The following CRHR1 variants were observed in gnomAD, a reference collection of about 807,000 sequenced individuals.
The protein encoded by CRHR1 is corticotropin-releasing hormone receptor 1.
Under a neutral mutation model 56.0 loss-of-function variants are expected in CRHR1, and 28 were observed. The ratio of observed to expected loss-of-function variants is 0.50; its 90% confidence interval spans 0.37 to 0.69. The LOEUF is 0.69. Among genes scored for constraint, CRHR1 ranks in the 30% least tolerant of loss-of-function variants. The pLI is 0.00. For synonymous variants in CRHR1, 195 were observed against 216.5 expected, an observed-to-expected ratio of 0.90 and a Z score of 0.87; for missense variants, 376 against 548.0, an observed-to-expected ratio of 0.69 and a Z score of 3.13.
intron 1 of CRHR1, among the ~76,000 whole-genome samples, chr17:45,797,903 CA>C (rs1293714773): frequency 6.6e-6 from 1 of 152,128 alleles, no homozygotes; most frequent in African/African-American, 2.4e-5. Context: ...ACTTCTCTAC[CA>C]TCACGGAGCA....
At chr17:45,833,693 T>TGGGGGGGGGGGGGGCGCG in intron 10 of CRHR1, 21 bp from the exon 11 acceptor site, 1 of 1,571,618 alleles carries the variant, frequency 6.4e-7, no homozygotes, top group Non-Finnish European at 8.7e-7. Context: ...ACTCCGAGCC[T>TGGGGGGGGGGGGGGCGCG]CCCCACCCGC....
chr17:45,800,118 G>A lies in CRHR1; in HGVS notation c.34-6892G>A, dbSNP rs540685774. Reference sequence around the variant, plus strand: ...GCCTCATCTTGCCATCGTCATGTATGTGTGTGTCTGTCTGTCCTTCCCCAT... The same window carrying A: ...GCCTCATCTTGCCATCGTCATGTATATGTGTGTCTGTCTGTCCTTCCCCAT... On this transcript the variant is annotated intron_variant, in intron 1 of 12. Transcript: ENST00000314537. Among the ~76,000 whole-genome samples the A allele has an allele frequency of 3.3e-5, 5 of 152,344 alleles. No homozygotes were observed. The East Asian group carries it at 7.7e-4, about 23-fold the overall frequency.
Position 45,784,663 on chromosome 17 carries a change from G to A in CRHR1, c.33+86G>A. 7.4e-7 allele frequency: 1 copy of A among 1,349,146 alleles called. No individual in the cohort carries two copies. The highest frequency in any genetic ancestry group is 9.8e-7 in the Non-Finnish European group (1 of 1,017,626). 83.6% of individuals were successfully genotyped at this position (1,349,146 alleles called of 1,614,324 possible). ...CGGGGCTGGGCTGTGGGTGTGATGG[G>A]GGCGGGGGCGCTGGGAGAGCCGTGC... On this transcript the variant is annotated intron_variant, in intron 1 of 12. Transcript: ENST00000314537. This position sits in a 1 kb window ranked among gnomAD's most constrained non-coding sequence, Gnocchi z 4.2.
At chr17:45,820,050 C>T (rs2062009386) in intron 3 of CRHR1, among the ~76,000 whole-genome samples, 1 of 152,172 alleles carries the variant, frequency 6.6e-6, no homozygotes, top group Non-Finnish European at 1.5e-5. Flanking sequence ...GTCCCAGGGC[C>T]CCAGCCTCTA....
chr17:45,792,200 AAGGCTGGTCCTTGGAGGG>A (rs1296190916), intron 1 of CRHR1, among the ~76,000 whole-genome samples: 1 of 152,180 alleles, frequency 6.6e-6, no homozygotes, highest in Admixed American at 6.5e-5. Context: ...CGGGTAGGGC[AAGGCTGGTCCTTGGAGGG>A]AGGCTGGTCC....
intron 12 of CRHR1, 86 bp from the exon 13 acceptor site, chr17:45,834,538 C>A: frequency 6.7e-7 from 1 of 1,493,986 alleles, no homozygotes; most frequent in Non-Finnish European, 9.0e-7. Context: ...CAGCCGCTTA[C>A]CTGCACAGCT....
chr17:45,801,987 C>T (rs1346552195), intron 1 of CRHR1, among the ~76,000 whole-genome samples: 1 of 152,110 alleles, frequency 6.6e-6, no homozygotes, highest in Non-Finnish European at 1.5e-5. Flanking sequence ...TGCCCGCTCC[C>T]CAGGTTAAGA....
chr17:45,807,183 C>A, intron 2 of CRHR1, 86 bp downstream of exon 2: 1 of 1,258,312 alleles, frequency 7.9e-7, no homozygotes, highest in Non-Finnish European at 1.1e-6. Context: ...CACACAGAAC[C>A]ATGCCCTAAG....
At chr17:45,804,442 C>T (rs1407071892) in intron 1 of CRHR1, among the ~76,000 whole-genome samples, 1 of 152,090 alleles carries the variant, frequency 6.6e-6, no homozygotes, top group Non-Finnish European at 1.5e-5. Context: ...GGGCACTCTT[C>T]CCCTGGACCT....
At chr17:45,833,693 T>TGGGGGGGC in intron 10 of CRHR1, 21 bp from the exon 11 acceptor site, 22 of 1,571,552 alleles carry the variant, frequency 1.4e-5, no homozygotes, top group Non-Finnish European at 1.8e-5. Context: ...ACTCCGAGCC[T>TGGGGGGGC]CCCCACCCGC....
intron 2 of CRHR1, among the ~76,000 whole-genome samples, chr17:45,814,024 G>A (rs1352270077): frequency 1.3e-5 from 2 of 152,222 alleles, no homozygotes; most frequent in African/African-American, 4.8e-5. Flanking sequence ...CCTCGTCCTC[G>A]CTGTGGCTGG....
Position 45,835,247 on chromosome 17 carries a change from C to T in CRHR1, c.*483C>T. The T allele has an allele frequency of 6.3e-6, 1 of 159,834 alleles. No individual in the cohort carries two copies. Among genetic ancestry groups the T allele is most frequent in the Non-Finnish European group, 1.4e-5 (1 of 72,664 alleles). 9.9% of individuals were successfully genotyped at this position (159,834 alleles called of 1,614,324 possible). On this transcript the variant is annotated 3_prime_UTR_variant, in exon 13 of 13. Transcript: ENST00000314537. ...TGGACCTCGGTGATGCCTTCCGACA[C>T]CACTGGGAACCAAGGGCCCTCACTC...
At chr17:45,824,709 C>T (rs183170464) in intron 4 of CRHR1, among the ~76,000 whole-genome samples, 74 of 152,312 alleles carry the variant, frequency 4.9e-4, no homozygotes, top group African/African-American at 1.8e-3. Context: ...TCAACGGGAA[C>T]CTGCTGCATG....
chr17:45,833,693 T>TGGGGCCCCCCCCCCCCCCC, intron 10 of CRHR1, 21 bp from the exon 11 acceptor site: 1 of 1,571,614 alleles, frequency 6.4e-7, no homozygotes, highest in Non-Finnish European at 8.7e-7. Flanking sequence ...ACTCCGAGCC[T>TGGGGCCCCCCCCCCCCCCC]CCCCACCCGC....
chr17:45,807,925 G>A (rs62057101), intron 2 of CRHR1, among the ~76,000 whole-genome samples: 21,636 of 152,234 alleles, frequency 0.14, 2,123 homozygotes, highest in Middle Eastern at 0.22. Flanking sequence ...CCAAATCTAG[G>A]TGTTTGGGCT....
intron 4 of CRHR1, among the ~76,000 whole-genome samples, chr17:45,825,175 A>G (rs4327090): frequency 0.12 from 18,420 of 152,186 alleles, 1,546 homozygotes; most frequent in Non-Finnish European, 0.19. Flanking sequence ...TATCGCAGAT[A>G]ATGGATTCGC....
intron 2 of CRHR1, among the ~76,000 whole-genome samples, chr17:45,811,317 G>C (rs1216793825): frequency 6.6e-6 from 1 of 152,246 alleles, no homozygotes; most frequent in Non-Finnish European, 1.5e-5. Context: ...GACCCCGCAG[G>C]GTTTCTTCCC....
chr17:45,810,499 A>C (rs1452619807), intron 2 of CRHR1, among the ~76,000 whole-genome samples: 1 of 151,974 alleles, frequency 6.6e-6, no homozygotes, highest in Non-Finnish European at 1.5e-5. Context: ...GCAAGATATG[A>C]ACCATGTGGG....
At position 45,784,574 on chromosome 17, in the gene CRHR1, C is replaced by T. The variant is rs1186036325; in HGVS notation, c.30C>T (p.Val10=). 1 of 1,552,804 alleles carries T rather than the reference C, an allele frequency of 6.4e-7. No individual in the cohort carries two copies. The highest frequency in any genetic ancestry group is 1.9e-5 in the Admixed American group (1 of 52,614). MGGHPQLRL[V]KALLLLGLNP... is the part of the protein sequence containing the mutation. Reference sequence around the variant, plus strand: ...GAGGGCACCCGCAGCTCCGTCTCGTCAAGGTAACAGCCCGCCGGCCATCCC... The same window carrying T: ...GAGGGCACCCGCAGCTCCGTCTCGTTAAGGTAACAGCCCGCCGGCCATCCC... Residue 10 remains valine, a synonymous_variant, in exon 1 of 13, where the codon GTC becomes GTT. Transcript: ENST00000314537. The surrounding 1 kb of genome is among the most constrained non-coding windows in gnomAD (Gnocchi z 4.2).
Sources: gnomAD v4.1 joint callset for allele counts (sites outside exome capture counted in the v4.1 genomes callset) on GRCh38, gnomAD v4.1.1 for gene constraint, Gnocchi (gnomAD v3.1) non-coding constraint, MANE v1.5 for transcripts, NCBI Gene and HGNC (gene_info 2026-07-23, HGNC 2026-07-21) for gene names.